SLC14A2: variants seen among roughly 807,000 people sequenced by gnomAD.
The protein encoded by SLC14A2 is urea transporter 2.
In SLC14A2, 91 loss-of-function variants were observed where a neutral mutation model predicts 104.6. That is an observed-to-expected ratio of 0.87 (90% CI 0.73 to 1.04). The LOEUF is 1.04. SLC14A2 is among the 50% of genes least tolerant of loss of function. The pLI is 0.00. For synonymous variants in SLC14A2, 476 were observed against 466.4 expected (o/e 1.02, Z -0.27); for missense variants, 1,189 against 1,156.0 (o/e 1.03, Z -0.41).
At chr18:45,546,531 C>T (rs1331880391) in intron 2 of SLC14A2, among the ~76,000 whole-genome samples, 1 of 152,238 alleles carries the variant, frequency 6.6e-6, no homozygotes, top group Non-Finnish European at 1.5e-5. Context: ...ATCAGCATTA[C>T]TGGAGCAGGA....
chr18:45,657,686 CAGCTCTGCCAAT>C (rs2045864937), intron 10 of SLC14A2, among the ~76,000 whole-genome samples: 1 of 152,166 alleles, frequency 6.6e-6, no homozygotes, highest in South Asian at 2.1e-4. Flanking sequence ...TATCTACACT[CAGCTCTGCCAAT>C]AGCTGTGTGG....
chr18:45,178,041 C>T, the SLC14A2 span, among the ~76,000 whole-genome samples: 1 of 152,178 alleles, frequency 6.6e-6, no homozygotes, highest in Non-Finnish European at 1.5e-5. Context: ...AGATTCTACT[C>T]ATACCCAGGA....
intron 1 of SLC14A2, among the ~76,000 whole-genome samples, chr18:45,442,194 C>T (rs960150122): frequency 2.6e-5 from 4 of 152,142 alleles, no homozygotes; most frequent in African/African-American, 9.7e-5. Flanking sequence ...CTGATGTGAG[C>T]CTCAGTTTCC....
At chr18:45,395,514 C>T (rs1439699686) in intron 1 of SLC14A2, among the ~76,000 whole-genome samples, 1 of 152,066 alleles carries the variant, frequency 6.6e-6, no homozygotes, top group Non-Finnish European at 1.5e-5. Context: ...GTTCTGTACA[C>T]AGACAAATTT....
chr18:45,180,840 T>C, the SLC14A2 span, among the ~76,000 whole-genome samples: 1 of 152,192 alleles, frequency 6.6e-6, no homozygotes, highest in Non-Finnish European at 1.5e-5. Flanking sequence ...ACAATATATT[T>C]TGCATAGCAA....
At chr18:45,174,726 T>C in the SLC14A2 span, among the ~76,000 whole-genome samples, 1 of 151,994 alleles carries the variant, frequency 6.6e-6, no homozygotes, top group Non-Finnish European at 1.5e-5. Context: ...GCATTAAAAA[T>C]TGGGCAGGGT....
chr18:45,426,724 CA>C (rs2086437548), intron 1 of SLC14A2, among the ~76,000 whole-genome samples: 1 of 151,332 alleles, frequency 6.6e-6, no homozygotes, highest in Non-Finnish European at 1.5e-5. Flanking sequence ...CACACACACA[CA>C]CACACACATA....
chr18:45,649,617 G>A (rs2045695055), intron 10 of SLC14A2, among the ~76,000 whole-genome samples: 1 of 152,024 alleles, frequency 6.6e-6, no homozygotes. Flanking sequence ...ACAACTCTTT[G>A]TATTTTCTTC....
chr18:45,539,183 T>TCAGGTGGGAATTCAGGGATA (rs2043846790), intron 2 of SLC14A2, among the ~76,000 whole-genome samples: 2 of 151,234 alleles, frequency 1.3e-5, no homozygotes, highest in African/African-American at 2.4e-5. Context: ...ATGCAGGGAT[T>TCAGGTGGGAATTCAGGGATA]CAGGTGGGAA....
chr18:45,302,848 A>G (rs112645704), intron 1 of SLC14A2, among the ~76,000 whole-genome samples: 3 of 152,294 alleles, frequency 2.0e-5, no homozygotes, highest in South Asian at 2.1e-4. Context: ...GTAGTAAGTG[A>G]TGAATATCCA....
At chr18:45,464,836 C>G (rs1205988199) in intron 1 of SLC14A2, among the ~76,000 whole-genome samples, 1 of 152,154 alleles carries the variant, frequency 6.6e-6, no homozygotes, top group African/African-American at 2.4e-5. Context: ...GCGGCAGTTT[C>G]TGGGCCCAAT....
At chr18:45,430,929 A>G (rs1197740808) in intron 1 of SLC14A2, among the ~76,000 whole-genome samples, 5 of 152,228 alleles carry the variant, frequency 3.3e-5, no homozygotes, top group Middle Eastern at 3.4e-3. Flanking sequence ...CCTTTGCCCA[A>G]TGTGAGTTCT....
intron 1 of SLC14A2, among the ~76,000 whole-genome samples, chr18:45,411,845 G>T (rs892689738): frequency 1.3e-5 from 2 of 152,126 alleles, no homozygotes; most frequent in African/African-American, 4.8e-5. Flanking sequence ...CACCTACTCT[G>T]TGAAGAGCAC....
intron 1 of SLC14A2, among the ~76,000 whole-genome samples, chr18:45,213,777 G>C (rs1291592817): frequency 1.3e-5 from 2 of 152,144 alleles, no homozygotes; most frequent in African/African-American, 2.4e-5. Context: ...TAATGATCCT[G>C]TTCAGGCTGC....
At chr18:45,606,374 C>T (rs189312107) in intron 2 of SLC14A2, among the ~76,000 whole-genome samples, 12 of 152,206 alleles carry the variant, frequency 7.9e-5, no homozygotes, top group African/African-American at 2.6e-4. Flanking sequence ...GATATAAGGG[C>T]TTACAAAATT....
At position 45,459,894 on chromosome 18, in the gene SLC14A2, G is replaced by T. The variant is rs550628579; in HGVS notation, c.-124-23339G>T. ...AAACAGCAGAGACCTGGAGATGGTT[G>T]CATTCAGCCCAAACATCCTCAACCT... is the stretch of plus-strand genomic sequence containing the variant. On this transcript the variant is annotated intron_variant, in intron 1 of 20. Transcript: ENST00000586448. 1.9e-4 allele frequency among the ~76,000 whole-genome samples: 29 copies of T among 152,312 alleles called. 2 individuals are homozygous for T. In the South Asian group the frequency reaches 2.3e-3, roughly 12 times the overall value.
At chr18:45,517,696 GGAACTCCCTACCCTGACCC>G (rs1598950566) in intron 2 of SLC14A2, among the ~76,000 whole-genome samples, 1 of 152,248 alleles carries the variant, frequency 6.6e-6, no homozygotes, top group Admixed American at 6.5e-5. Flanking sequence ...TGGAACTCGA[GGAACTCCCTACCCTGACCC>G]TCCCTCCAGG....
chr18:45,174,909 A>G, the SLC14A2 span, among the ~76,000 whole-genome samples: 3 of 152,176 alleles, frequency 2.0e-5, no homozygotes, highest in Non-Finnish European at 4.4e-5. Context: ...GGAAATGAAA[A>G]TCACACTGCA....
At chr18:45,205,364 G>A in the SLC14A2 span, among the ~76,000 whole-genome samples, 37,957 of 152,138 alleles carry the variant, frequency 0.25, 4,724 homozygotes, top group Middle Eastern at 0.28. Flanking sequence ...TATTTTATCA[G>A]TTACCTGACA....
Sources: allele counts gnomAD v4.1 joint callset (sites outside exome capture counted in the v4.1 genomes callset), GRCh38; gene constraint gnomAD v4.1.1; transcripts MANE v1.5; gene names NCBI Gene and HGNC (gene_info 2026-07-23, HGNC 2026-07-21).